The following PRKG1 variants were observed in gnomAD, a reference collection of about 807,000 sequenced individuals.
The protein encoded by PRKG1 is protein kinase cGMP-dependent 1.
Under a neutral mutation model 88.1 loss-of-function variants are expected in PRKG1, and 35 were observed. The observed-to-expected ratio is 0.40, with a 90% CI of 0.30 to 0.53. The LOEUF (loss-of-function observed/expected upper bound fraction) is 0.53. Ranked by LOEUF, PRKG1 falls within the 20% of genes least tolerant of loss-of-function variation. PRKG1 has a pLI of 0.59. For synonymous variants in PRKG1, 303 were observed against 292.5 expected, an observed-to-expected ratio of 1.04 and a Z score of -0.37; for missense variants, 540 against 839.8, an observed-to-expected ratio of 0.64 and a Z score of 4.41.
chr10:52,065,579 A>C (rs1425065301), intron 7 of PRKG1, among the ~76,000 whole-genome samples: 3 of 152,136 alleles, frequency 2.0e-5, no homozygotes, highest in African/African-American at 7.2e-5. Flanking sequence ...CTCAGGCTAT[A>C]TTACCTTATG....
chr10:51,613,120 T>A, intron 3 of PRKG1, among the ~76,000 whole-genome samples: 1 of 151,994 alleles, frequency 6.6e-6, no homozygotes, highest in East Asian at 1.9e-4. Context: ...ATACATTTGA[T>A]AGAATTACAC....
At chr10:51,855,348 T>A (rs2132816030) in intron 4 of PRKG1, among the ~76,000 whole-genome samples, 1 of 152,294 alleles carries the variant, frequency 6.6e-6, no homozygotes, top group Middle Eastern at 3.4e-3. Flanking sequence ...ATCTTCTTGC[T>A]GGTGAAGGGT....
chr10:52,224,942 CAT>C (rs1298522724), intron 9 of PRKG1, among the ~76,000 whole-genome samples: 10 of 151,164 alleles, frequency 6.6e-5, no homozygotes, highest in South Asian at 2.1e-4. Flanking sequence ...CTGCTATAAA[CAT>C]GTGTGTGTAA....
At chr10:51,476,499 C>T (rs1474098333) in intron 3 of PRKG1, among the ~76,000 whole-genome samples, 1 of 152,038 alleles carries the variant, frequency 6.6e-6, no homozygotes, top group Non-Finnish European at 1.5e-5. Flanking sequence ...ATTCCTTCCA[C>T]TTCCAGAAGA....
intron 10 of PRKG1, among the ~76,000 whole-genome samples, chr10:52,264,447 C>G (rs1471503095): frequency 1.3e-5 from 2 of 151,928 alleles, no homozygotes; most frequent in Non-Finnish European, 1.5e-5. Context: ...TTCACTACAG[C>G]ACTTGTCTTA....
chr10:51,225,931 C>T (rs1250807297), intron 2 of PRKG1, among the ~76,000 whole-genome samples: 2 of 152,062 alleles, frequency 1.3e-5, no homozygotes, highest in Non-Finnish European at 2.9e-5. Context: ...GTGCTGGGCG[C>T]GATGGCTCAT....
chr10:51,858,602 T>G (rs1261178133), intron 4 of PRKG1, among the ~76,000 whole-genome samples: 2 of 149,828 alleles, frequency 1.3e-5, no homozygotes, highest in Non-Finnish European at 3.0e-5. Flanking sequence ...TATAGTGTCA[T>G]GTTGTAACTG....
chr10:51,697,899 C>A (rs1471473078), intron 3 of PRKG1: 1 of 1,609,036 alleles, frequency 6.2e-7, no homozygotes, highest in Non-Finnish European at 8.5e-7. Context: ...TGCTTGCTTG[C>A]CCCCTGTATA....
chr10:51,432,893 A>T (rs989065219), intron 2 of PRKG1, among the ~76,000 whole-genome samples: 7 of 152,152 alleles, frequency 4.6e-5, no homozygotes, highest in Non-Finnish European at 8.8e-5. Flanking sequence ...TGGGAGCATG[A>T]CCACTCTTTC....
At chr10:51,934,091 A>G (rs2133011642) in intron 5 of PRKG1, among the ~76,000 whole-genome samples, 1 of 152,282 alleles carries the variant, frequency 6.6e-6, no homozygotes, top group East Asian at 1.9e-4. Context: ...CAGCAATAGA[A>G]CCACATCAAA....
intron 3 of PRKG1, among the ~76,000 whole-genome samples, chr10:51,577,964 T>G (rs1390614912): frequency 6.6e-6 from 1 of 152,122 alleles, no homozygotes; most frequent in Non-Finnish European, 1.5e-5. Context: ...GTTGTTTCTG[T>G]GACTAGTAGG....
At chr10:51,542,629 AT>A (rs962488348) in intron 3 of PRKG1, among the ~76,000 whole-genome samples, 11 of 151,246 alleles carry the variant, frequency 7.3e-5, no homozygotes, top group Admixed American at 4.6e-4. Context: ...CTGGTTCATA[AT>A]TTTTTTTATG....
intron 9 of PRKG1, among the ~76,000 whole-genome samples, chr10:52,178,690 T>C (rs1838931547): frequency 6.6e-6 from 1 of 152,184 alleles, no homozygotes; most frequent in Admixed American, 6.5e-5. Context: ...ATTAAATGCA[T>C]ATAGATTTAC....
intron 1 of PRKG1, among the ~76,000 whole-genome samples, chr10:50,999,971 A>G (rs917457721): frequency 3.3e-5 from 5 of 152,218 alleles, no homozygotes; most frequent in African/African-American, 1.2e-4. Context: ...TAAGAGGAGC[A>G]CTATCTAGAA....
chr10:51,089,045 G>T (rs1844331843), intron 1 of PRKG1, among the ~76,000 whole-genome samples: 1 of 152,030 alleles, frequency 6.6e-6, no homozygotes, highest in African/African-American at 2.4e-5. Flanking sequence ...TCTTCAACTA[G>T]CCCATACCCC....
intron 9 of PRKG1, among the ~76,000 whole-genome samples, chr10:52,213,352 A>G (rs542924625): frequency 4.3e-4 from 66 of 152,302 alleles, no homozygotes; most frequent in African/African-American, 1.3e-3. Flanking sequence ...GGTTTATTTA[A>G]GACTCGTCAT....
intron 2 of PRKG1, among the ~76,000 whole-genome samples, chr10:51,218,717 A>C (rs1488918690): frequency 6.6e-6 from 1 of 151,872 alleles, no homozygotes; most frequent in Non-Finnish European, 1.5e-5. Context: ...CTATGAATAC[A>C]TATGATAAAG....
chr10:51,047,161 G>C (rs1250162707), intron 1 of PRKG1, among the ~76,000 whole-genome samples: 3 of 152,118 alleles, frequency 2.0e-5, no homozygotes, highest in African/African-American at 7.2e-5. Flanking sequence ...CTATCCAAAG[G>C]TGAGAGCCTC....
At chr10:51,267,384 AAATAT>A (rs1336324469) in intron 2 of PRKG1, among the ~76,000 whole-genome samples, 1 of 152,216 alleles carries the variant, frequency 6.6e-6, no homozygotes, top group Non-Finnish European at 1.5e-5. Flanking sequence ...GTGTCATATA[AAATAT>A]AATAAGTTAC....
Sources: allele counts gnomAD v4.1 joint callset (sites outside exome capture counted in the v4.1 genomes callset), GRCh38; gene constraint gnomAD v4.1.1; transcripts MANE v1.5; gene names NCBI Gene and HGNC (gene_info 2026-07-23, HGNC 2026-07-21).